STX17: variants seen among roughly 807,000 people sequenced by gnomAD.
STX17 encodes the protein syntaxin 17, also known as syntaxin-17.
Under a neutral mutation model 35.9 loss-of-function variants are expected in STX17, and 29 were observed. That is an observed-to-expected ratio of 0.81 (90% confidence interval 0.60 to 1.10). The LOEUF is 1.10. STX17 is among the 50% of genes least tolerant of loss of function. The pLI, the probability that STX17 is intolerant of heterozygous loss-of-function variation, is 0.00. For synonymous variants in STX17, 92 were observed against 118.3 expected, an observed-to-expected ratio of 0.78 and a Z score of 1.44; for missense variants, 312 against 352.3, an observed-to-expected ratio of 0.89 and a Z score of 0.92.
Position 99,914,456 on chromosome 9 carries a change from T to C in STX17, c.-62-722T>C, listed in dbSNP as rs371595459. On this transcript the variant is annotated intron_variant, in intron 1 of 7. Transcript: ENST00000259400. Reference sequence around the variant, plus strand: ...CGCTTGTACTCTGGCCCCAAATGCATACCCTTGGACTTTCTGGAACACTAG... The same window carrying C: ...CGCTTGTACTCTGGCCCCAAATGCACACCCTTGGACTTTCTGGAACACTAG... 1.7e-4 allele frequency among the ~76,000 whole-genome samples: 26 copies of C among 152,272 alleles called. No homozygotes were observed. In the East Asian group the frequency reaches 3.7e-3, roughly 21 times the overall value.
At chr9:99,923,846 T>C (rs1158878514) in intron 2 of STX17, among the ~76,000 whole-genome samples, 1 of 152,120 alleles carries the variant, frequency 6.6e-6, no homozygotes, top group African/African-American at 2.4e-5. Flanking sequence ...TAAAGGATAT[T>C]ACAAGGGATA....
intron 4 of STX17, 26 bp downstream of exon 4, chr9:99,951,311 C>A: frequency 6.2e-7 from 1 of 1,601,360 alleles, no homozygotes; most frequent in South Asian, 1.1e-5. Flanking sequence ...AAGTCTTATT[C>A]TCAGTCACAG....
intron 3 of STX17, among the ~76,000 whole-genome samples, chr9:99,949,150 T>A (rs1829542931): frequency 6.6e-6 from 1 of 152,126 alleles, no homozygotes; most frequent in African/African-American, 2.4e-5. Context: ...TGCTCACTTA[T>A]GCCCCCTTTA....
intron 3 of STX17, among the ~76,000 whole-genome samples, chr9:99,943,256 C>T (rs1308999985): frequency 6.6e-6 from 1 of 151,982 alleles, no homozygotes; most frequent in Non-Finnish European, 1.5e-5. Context: ...GCCTCAGCCT[C>T]CCGAGTAGCT....
chr9:99,965,480 T>C (rs1829895913), intron 6 of STX17, among the ~76,000 whole-genome samples: 1 of 152,134 alleles, frequency 6.6e-6, no homozygotes, highest in South Asian at 2.1e-4. Flanking sequence ...CATCAACATA[T>C]GACGGCTGAT....
At chr9:99,910,761 A>G (rs973597889) in intron 1 of STX17, among the ~76,000 whole-genome samples, 1 of 152,218 alleles carries the variant, frequency 6.6e-6, no homozygotes, top group African/African-American at 2.4e-5. Context: ...GTGTTATTAA[A>G]CATGAATAAT....
At chr9:99,923,425 A>G (rs1828926871) in intron 2 of STX17, among the ~76,000 whole-genome samples, 1 of 152,180 alleles carries the variant, frequency 6.6e-6, no homozygotes, top group African/African-American at 2.4e-5. Context: ...AAGTTAGGTT[A>G]CCCAGGCATT....
At chr9:99,963,900 C>A (rs1829869778) in intron 6 of STX17, among the ~76,000 whole-genome samples, 1 of 151,990 alleles carries the variant, frequency 6.6e-6, no homozygotes, top group African/African-American at 2.4e-5. Flanking sequence ...TAGAATATAT[C>A]ATAGGAGTTT....
At chr9:99,930,194 A>G (rs1829089961) in intron 3 of STX17, among the ~76,000 whole-genome samples, 1 of 151,932 alleles carries the variant, frequency 6.6e-6, no homozygotes, top group South Asian at 2.1e-4. Context: ...TACAGGCATG[A>G]GTCATCGCAC....
chr9:99,955,773 A>G (rs557804836), intron 4 of STX17, among the ~76,000 whole-genome samples: 1 of 152,178 alleles, frequency 6.6e-6, no homozygotes, highest in Admixed American at 6.5e-5. Context: ...GATAGGTCCT[A>G]TGTTCTACTT....
rs1829389270 is a variant in STX17 at position 99,942,599 on chromosome 9, T to C, written c.190-8461T>C. On this transcript the variant is annotated intron_variant, in intron 3 of 7. Transcript: ENST00000259400. Reference sequence around the variant, plus strand: ...ACTCCTGGGCTCGAGAGTTGTGCCATGTTTAAGAAATCTTTCCTACCCAGG... The same window carrying C: ...ACTCCTGGGCTCGAGAGTTGTGCCACGTTTAAGAAATCTTTCCTACCCAGG... 3.9e-5 allele frequency among the ~76,000 whole-genome samples: 6 copies of C among 151,976 alleles called. 1 individual carries two copies. The South Asian group carries it at 1.0e-3, about 26-fold the overall frequency.
At chr9:99,908,842 T>C (rs909615084) in intron 1 of STX17, among the ~76,000 whole-genome samples, 2 of 152,238 alleles carry the variant, frequency 1.3e-5, no homozygotes, top group Non-Finnish European at 2.9e-5. Flanking sequence ...TCTATACATA[T>C]GCATACCCAT....
intron 2 of STX17, among the ~76,000 whole-genome samples, chr9:99,926,791 C>T (rs893459928): frequency 3.9e-5 from 6 of 152,224 alleles, no homozygotes; most frequent in African/African-American, 1.4e-4. Flanking sequence ...AGCCACTGCG[C>T]CCAGCCTTGA....
rs957815581 is a variant in STX17, at chr9:99,972,195, A to G, written c.*3522A>G. Among the ~76,000 whole-genome samples the G allele has an allele frequency of 6.6e-6, 1 of 152,238 alleles. No individual in the cohort carries two copies. The highest frequency in any genetic ancestry group is 2.4e-5 in the African/African-American group (1 of 41,456). ...TATAAAATCAAGAAAGAGTATTTCAATCCCATCCACCTGCCTGCAAGATTT... is the reference window on the plus strand; with the variant it reads ...TATAAAATCAAGAAAGAGTATTTCAGTCCCATCCACCTGCCTGCAAGATTT... On this transcript the variant is annotated 3_prime_UTR_variant, in exon 8 of 8. Coordinates refer to ENST00000259400, the MANE Select transcript of STX17 (RefSeq NM_017919.3).
intron 4 of STX17, among the ~76,000 whole-genome samples, chr9:99,954,858 T>G (rs903874585): frequency 6.6e-6 from 1 of 152,094 alleles, no homozygotes; most frequent in Non-Finnish European, 1.5e-5. Flanking sequence ...ATAGGATGTT[T>G]TATATTCTCT....
chr9:99,971,707 ACTATACAGCCT>A lies in STX17; in HGVS notation c.*3042_*3052del, dbSNP rs1418676610. Among the ~76,000 whole-genome samples, 1 of 152,200 alleles carries A rather than the reference ACTATACAGCCT, an allele frequency of 6.6e-6. No individual in the cohort carries two copies. Among genetic ancestry groups the A allele is most frequent in the East Asian group, 1.9e-4 (1 of 5,196 alleles). ...CTACAAAAACTTTTATGTCTCTCAG[ACTATACAGCCT>A]CTATACAAAATTGAGATGGGGGTTG... On this transcript the variant is annotated 3_prime_UTR_variant, in exon 8 of 8. Transcript: ENST00000259400.
intron 3 of STX17, among the ~76,000 whole-genome samples, chr9:99,942,150 C>T (rs1829377896): frequency 6.6e-6 from 1 of 152,182 alleles, no homozygotes; most frequent in African/African-American, 2.4e-5. Context: ...TATTGTCAGA[C>T]TTTAATTTTA....
At chr9:99,906,795 G>C (rs1006883961) in intron 1 of STX17, 89 bp downstream of exon 1, 2 of 152,302 alleles carry the variant, frequency 1.3e-5, no homozygotes, top group Non-Finnish European at 2.9e-5. Context: ...CGCAAGAGGC[G>C]CTGGGCGGCA....
At chr9:99,940,685 T>A (rs138976093) in intron 3 of STX17, among the ~76,000 whole-genome samples, 1 of 152,224 alleles carries the variant, frequency 6.6e-6, no homozygotes, top group Non-Finnish European at 1.5e-5. Context: ...TTCTTCATGT[T>A]GTCCAGACTG....
Sources: allele counts gnomAD v4.1 joint callset (sites outside exome capture counted in the v4.1 genomes callset), GRCh38; gene constraint gnomAD v4.1.1; transcripts MANE v1.5; gene names NCBI Gene and HGNC (gene_info 2026-07-23, HGNC 2026-07-21).